Variants in AKT2 observed in about 807,000 individuals in gnomAD.
The protein encoded by AKT2 is RAC-beta serine/threonine-protein kinase.
AKT2 carries 16 observed loss-of-function variants against 58.6 expected under a neutral mutation model. The observed-to-expected ratio is 0.27, with a 90% CI of 0.18 to 0.41. The LOEUF is 0.41. AKT2 is among the 10% of genes least tolerant of loss of function. The pLI is 1.00. For missense variants in AKT2, 438 were observed against 661.0 expected (o/e 0.66, Z 3.70); for synonymous variants, 253 against 254.0 (o/e 1.00, Z 0.04).
intron 4 of AKT2, among the ~76,000 whole-genome samples, chr19:40,245,130 C>T (rs763600187): frequency 6.6e-6 from 1 of 152,146 alleles, no homozygotes; most frequent in Non-Finnish European, 1.5e-5. Flanking sequence ...CACAGGCTGT[C>T]GTGAGGTAGA....
rs968870077 is a variant in AKT2 at position 40,233,650 on chromosome 19, C to T, written c.*222G>A. 1 of 759,142 alleles carries T rather than the reference C, an allele frequency of 1.3e-6. No homozygotes were observed. The highest frequency in any genetic ancestry group is 2.4e-6 in the Non-Finnish European group (1 of 414,894). The allele number at this position is 759,142 out of a possible 1,614,324, so 47.0% of individuals were successfully genotyped here. On this transcript the variant is annotated 3_prime_UTR_variant, in exon 14 of 14. Transcript: ENST00000392038. The surrounding 1 kb of genome is among the most constrained non-coding windows in gnomAD (Gnocchi z 4.3). ...CCCAGGCCTGGGCGGGAGGTGGAGT[C>T]TTCCAAATGCGAGTCTGGGCACAAA...
intron 6 of AKT2, 84 bp downstream of exon 6, chr19:40,241,854 G>A (rs548372785): frequency 2.8e-5 from 44 of 1,588,282 alleles, no homozygotes; most frequent in South Asian, 6.7e-5. Flanking sequence ...AGCAGAAAGC[G>A]CGGGTAAGCG....
At position 40,232,349 on chromosome 19, in the gene AKT2, T is replaced by G. The variant is rs534945416; in HGVS notation, c.*1523A>C. On this transcript the variant is annotated 3_prime_UTR_variant, in exon 14 of 14. Coordinates refer to ENST00000392038, the MANE Select transcript of AKT2 (RefSeq NM_001626.6). ...TGGGCCCTGGTCTGAAATGAGTGTC[T>G]TTATTGCTTGTACCGTACAAATATG... The G allele has an allele frequency of 4.3e-5, 10 of 233,666 alleles. No homozygotes were observed. The highest frequency in any genetic ancestry group is 2.3e-4 in the Admixed American group (4 of 17,772). The allele number at this position is 233,666 out of a possible 1,614,324, so 14.5% of individuals were successfully genotyped here.
At chr19:40,275,767 G>C (rs998007703) in intron 1 of AKT2, among the ~76,000 whole-genome samples, 1 of 99,996 alleles carries the variant, frequency 1.0e-5, no homozygotes, top group Admixed American at 9.3e-5. Flanking sequence ...GGGAGGCTGG[G>C]GGGGGGGGGG....
chr19:40,262,985 G>A (rs926242225), intron 2 of AKT2, among the ~76,000 whole-genome samples: 2 of 152,230 alleles, frequency 1.3e-5, no homozygotes, highest in African/African-American at 4.8e-5. Flanking sequence ...GAGTGCAGGT[G>A]TGCACAAGCG....
At chr19:40,256,724 C>T (rs138570121) in intron 3 of AKT2, among the ~76,000 whole-genome samples, 2,587 of 152,304 alleles carry the variant, frequency 0.017, 29 homozygotes, top group Non-Finnish European at 0.025. Context: ...CTTCTCCCTC[C>T]CTCCCACTCT....
intron 1 of AKT2, among the ~76,000 whole-genome samples, chr19:40,272,934 T>G (rs192261440): frequency 1.8e-4 from 27 of 152,292 alleles, no homozygotes; most frequent in Admixed American, 1.1e-3. Flanking sequence ...ATCTGTATAT[T>G]AGAGATAATA....
At chr19:40,236,455 A>G in intron 9 of AKT2, 70 bp from the exon 10 acceptor site, 1 of 1,607,018 alleles carries the variant, frequency 6.2e-7, no homozygotes, top group Non-Finnish European at 8.5e-7. Context: ...CTTTCCTTCC[A>G]GGGAAAGATG....
intron 1 of AKT2, among the ~76,000 whole-genome samples, chr19:40,272,371 C>T (rs2077231111): frequency 6.6e-6 from 1 of 152,284 alleles, no homozygotes; most frequent in African/African-American, 2.4e-5. Flanking sequence ...GGGCTCAGCA[C>T]AGCACCCAGC....
rs777810125 is a variant in AKT2 at position 40,265,272 on chromosome 19, G to A, written c.-5C>T. On this transcript the variant is annotated 5_prime_UTR_variant, in exon 2 of 14. Transcript: ENST00000392038. ...GATGACAGACACCTCATTCATGGTG[G>A]CAGCGTGGTACGCTGTCACCTAGCT... 5.0e-6 allele frequency: 8 copies of A among 1,612,706 alleles called. No individual in the cohort carries two copies. The highest frequency in any genetic ancestry group is 6.8e-6 in the Non-Finnish European group (8 of 1,179,516).
In AKT2 at chr19:40,232,877, G is replaced by T; in HGVS notation, c.*995C>A. On this transcript the variant is annotated 3_prime_UTR_variant, in exon 14 of 14. Transcript: ENST00000392038. Reference sequence around the variant, plus strand: ...CCCTGGGGAGAGGGAGGGGTGAGGGGGGCCTAGGAGCCTCCCTTTTCAGAG... The same window carrying T: ...CCCTGGGGAGAGGGAGGGGTGAGGGTGGCCTAGGAGCCTCCCTTTTCAGAG... 4.2e-6 allele frequency: 1 copy of T among 235,646 alleles called. No homozygotes were observed. The highest frequency in any genetic ancestry group is 6.0e-5 in the East Asian group (1 of 16,730). The allele number at this position is 235,646 out of a possible 1,614,324, so 14.6% of individuals were successfully genotyped here.
At position 40,242,799 on chromosome 19, in the gene AKT2, T is replaced by C; in HGVS notation, c.288-112A>G. 1 of 1,231,166 alleles carries C rather than the reference T, an allele frequency of 8.1e-7. No homozygotes were observed. Among genetic ancestry groups the C allele is most frequent in the Non-Finnish European group, 1.2e-6 (1 of 868,812 alleles). The allele number at this position is 1,231,166 out of a possible 1,614,324, so 76.3% of individuals were successfully genotyped here. ...AGCAACAGGCAAGCAAATGACCACATAACCATGGGAATTTGGGCAAGATCT... is the reference window on the plus strand; with the variant it reads ...AGCAACAGGCAAGCAAATGACCACACAACCATGGGAATTTGGGCAAGATCT... On this transcript the variant is annotated intron_variant, in intron 4 of 13. Coordinates refer to ENST00000392038, the MANE Select transcript of AKT2 (RefSeq NM_001626.6). This position sits in a 1 kb window ranked among gnomAD's most constrained non-coding sequence, Gnocchi z 4.3.
intron 1 of AKT2, among the ~76,000 whole-genome samples, chr19:40,278,885 C>T (rs575054603): frequency 3.3e-5 from 5 of 152,048 alleles, no homozygotes; most frequent in Admixed American, 6.5e-5. Context: ...CCACAGCCAC[C>T]GAGAGGGGTG....
rs1021104572 is a variant in AKT2 at position 40,231,734 on chromosome 19, G to A, written c.*2138C>T. 4.3e-6 allele frequency: 1 copy of A among 233,342 alleles called. No homozygotes were observed. The highest frequency in any genetic ancestry group is 8.5e-6 in the Non-Finnish European group (1 of 118,184). The allele number at this position is 233,342 out of a possible 1,614,324, so 14.5% of individuals were successfully genotyped here. On this transcript the variant is annotated 3_prime_UTR_variant, in exon 14 of 14. Transcript: ENST00000392038. ...CAAGCACGGGAAGTGCAGGGGCCCA[G>A]ACACATCCAGGCTAAAGGGCAGTGA...
chr19:40,239,041 G>C, intron 7 of AKT2, 68 bp from the exon 8 acceptor site: 1 of 1,527,114 alleles, frequency 6.5e-7, no homozygotes, highest in Non-Finnish European at 9.0e-7. Context: ...TGCCAGGGCA[G>C]GGCCCTGGCC....
intron 1 of AKT2, among the ~76,000 whole-genome samples, chr19:40,272,630 C>T (rs114651546): frequency 2.4e-3 from 362 of 152,278 alleles, no homozygotes; most frequent in African/African-American, 7.9e-3. Flanking sequence ...AATCCATGGA[C>T]AAAACTCACC....
At position 40,235,079 on chromosome 19, in the gene AKT2, G is replaced by A. The variant is rs747244542; in HGVS notation, c.1332C>T (p.Thr444=). ...GGGGTGTGATTGTGATGGACTGGGC[G>A]GTAAATTCATCATCGAAGTACCTTG... ...VDTRYFDDEF[T]AQSITITPPD... The change falls in exon 13 of 14, where the codon ACC becomes ACT. Residue 444 remains threonine (T), a synonymous_variant. Transcript: ENST00000392038. This position sits in a 1 kb window ranked among gnomAD's most constrained non-coding sequence, Gnocchi z 6.3. 1.3e-5 allele frequency: 21 copies of A among 1,614,016 alleles called. No individual in the cohort carries two copies. Among genetic ancestry groups the A allele is most frequent in the African/African-American group, 6.7e-5 (5 of 74,928 alleles).
chr19:40,239,607 C>T (rs1974259965), intron 7 of AKT2: 1 of 356,926 alleles, frequency 2.8e-6, no homozygotes, highest in South Asian at 2.2e-5. Context: ...CTGGTGGCCA[C>T]TGGCCTTGAT....
chr19:40,248,819 G>A (rs998928830), intron 4 of AKT2, among the ~76,000 whole-genome samples: 2 of 149,480 alleles, frequency 1.3e-5, no homozygotes, highest in East Asian at 2.0e-4. Flanking sequence ...AGGGAGGAGT[G>A]GAGGAGATGA....
Sources: gnomAD v4.1 joint callset for allele counts (sites outside exome capture counted in the v4.1 genomes callset) on GRCh38, gnomAD v4.1.1 for gene constraint, Gnocchi (gnomAD v3.1) non-coding constraint, MANE v1.5 for transcripts, NCBI Gene and HGNC (gene_info 2026-07-23, HGNC 2026-07-21) for gene names.